Variants in LOC128462377 observed in about 807,000 individuals in gnomAD.
the LOC128462377 span, chr16:89,323,363 A>C: frequency 1.6e-6 from 2 of 1,285,488 alleles, no homozygotes; most frequent in Non-Finnish European, 2.0e-6. Context: ...CTGGCCTCTC[A>C]CCTCTCACCA....
At chr16:89,366,976 C>T in the LOC128462377 span, among the ~76,000 whole-genome samples, 25 of 152,342 alleles carry the variant, frequency 1.6e-4, no homozygotes, top group South Asian at 5.2e-3. Context: ...GGATTAGGTC[C>T]GCTGATTGTG....
the LOC128462377 span, among the ~76,000 whole-genome samples, chr16:89,402,393 A>G: frequency 1.3e-5 from 2 of 152,190 alleles, no homozygotes; most frequent in African/African-American, 4.8e-5. Flanking sequence ...CGGTAGGCAC[A>G]TCAATTTAAA....
the LOC128462377 span, among the ~76,000 whole-genome samples, chr16:89,366,153 A>G: frequency 1.3e-5 from 2 of 148,834 alleles, no homozygotes; most frequent in Non-Finnish European, 3.0e-5. Flanking sequence ...AAAAAAAAAG[A>G]CATGATCTCA....
At chr16:89,346,176 G>A in the LOC128462377 span, among the ~76,000 whole-genome samples, 2 of 149,686 alleles carry the variant, frequency 1.3e-5, no homozygotes, top group African/African-American at 4.9e-5. Flanking sequence ...TTGAACCCAG[G>A]AGGTGAGGTT....
the LOC128462377 span, among the ~76,000 whole-genome samples, chr16:89,345,625 A>C: frequency 6.6e-6 from 1 of 152,260 alleles, no homozygotes; most frequent in Non-Finnish European, 1.5e-5. Context: ...TAAGGGAAAA[A>C]AGTAAATGGA....
At chr16:89,325,448 T>TCC in the LOC128462377 span, among the ~76,000 whole-genome samples, 12 of 76,336 alleles carry the variant, frequency 1.6e-4, no homozygotes, top group South Asian at 8.7e-4. Flanking sequence ...CTCTCCCCTC[T>TCC]CCTCTCTCTC....
chr16:89,343,319 C>T, the LOC128462377 span, among the ~76,000 whole-genome samples: 2 of 152,334 alleles, frequency 1.3e-5, no homozygotes, highest in South Asian at 4.1e-4. Flanking sequence ...AAAGCAATAC[C>T]TGTGTTCCCA....
chr16:89,341,135 A>G, the LOC128462377 span, among the ~76,000 whole-genome samples: 1 of 152,348 alleles, frequency 6.6e-6, no homozygotes, highest in Admixed American at 6.5e-5. Flanking sequence ...AAAGAAATCA[A>G]GGTTTCCACT....
chr16:89,343,114 G>A, the LOC128462377 span, among the ~76,000 whole-genome samples: 1 of 152,214 alleles, frequency 6.6e-6, no homozygotes, highest in East Asian at 1.9e-4. Context: ...TCAGCCTCCC[G>A]AGTAGCTGGG....
At chr16:89,394,595 T>A in the LOC128462377 span, among the ~76,000 whole-genome samples, 5 of 150,058 alleles carry the variant, frequency 3.3e-5, no homozygotes, top group African/African-American at 1.2e-4. Flanking sequence ...ACCACTGCAC[T>A]CCAGCCTGGG....
the LOC128462377 span, among the ~76,000 whole-genome samples, chr16:89,322,531 G>C: frequency 1.3e-5 from 2 of 152,240 alleles, no homozygotes; most frequent in African/African-American, 4.8e-5. Flanking sequence ...CAGGAAGTCA[G>C]CAGCAGGGTG....
chr16:89,378,505 C>G, the LOC128462377 span, among the ~76,000 whole-genome samples: 1 of 152,120 alleles, frequency 6.6e-6, no homozygotes, highest in Non-Finnish European at 1.5e-5. Flanking sequence ...ATAGCAAAAA[C>G]GTAGAGCTTT....
the LOC128462377 span, among the ~76,000 whole-genome samples, chr16:89,384,879 C>CTTTTTTTT: frequency 5.8e-3 from 290 of 49,934 alleles, 39 homozygotes; most frequent in African/African-American, 8.1e-3. Context: ...AAATAGTTTT[C>CTTTTTTTT]TTTTTTTTTT....
the LOC128462377 span, among the ~76,000 whole-genome samples, chr16:89,347,399 G>A: frequency 6.6e-6 from 1 of 152,120 alleles, no homozygotes; most frequent in African/African-American, 2.4e-5. Flanking sequence ...CACGAGGTCA[G>A]GAGATCAAGA....
At chr16:89,323,103 GC>G in the LOC128462377 span, 1 of 318,790 alleles carries the variant, frequency 3.1e-6, no homozygotes, top group South Asian at 2.4e-5. Flanking sequence ...TTCCAGCTGA[GC>G]CCTGCCGGCT....
the LOC128462377 span, among the ~76,000 whole-genome samples, chr16:89,345,801 C>T: frequency 6.6e-6 from 1 of 152,274 alleles, no homozygotes; most frequent in South Asian, 2.1e-4. Context: ...GGCTGGGCTT[C>T]CTCTATCAAT....
At chr16:89,370,222 CG>C in the LOC128462377 span, among the ~76,000 whole-genome samples, 1 of 152,206 alleles carries the variant, frequency 6.6e-6, no homozygotes, top group African/African-American at 2.4e-5. Context: ...AGGACTCAGG[CG>C]AGGGGAGCCC....
At chr16:89,386,138 T>C in the LOC128462377 span, among the ~76,000 whole-genome samples, 1 of 152,176 alleles carries the variant, frequency 6.6e-6, no homozygotes, top group Non-Finnish European at 1.5e-5. Flanking sequence ...CATTACAGAT[T>C]AAGAAAATAC....
the LOC128462377 span, among the ~76,000 whole-genome samples, chr16:89,417,586 C>A: frequency 1.9e-3 from 288 of 152,280 alleles, 2 homozygotes; most frequent in African/African-American, 6.3e-3. Flanking sequence ...ACCAGGCTCC[C>A]ACTCCTTACC....
Sources: allele counts gnomAD v4.1 joint callset (sites outside exome capture counted in the v4.1 genomes callset), GRCh38; gene constraint gnomAD v4.1.1; transcripts MANE v1.5.